GPC5: variants seen among roughly 807,000 people sequenced by gnomAD.
GPC5 encodes glypican 5.
GPC5 carries 47 observed loss-of-function variants against 53.9 expected under a neutral mutation model. The ratio of observed to expected loss-of-function variants is 0.87; its 90% CI spans 0.69 to 1.11. GPC5 has a LOEUF of 1.11. Ranked by LOEUF, GPC5 falls within the 50% of genes most tolerant of loss-of-function variation. The pLI, the probability that GPC5 is intolerant of heterozygous loss-of-function variation, is 0.00. For missense variants in GPC5, 748 were observed against 713.1 expected (o/e 1.05, Z -0.56); for synonymous variants, 286 against 263.3 (o/e 1.09, Z -0.84).
intron 7 of GPC5, among the ~76,000 whole-genome samples, chr13:92,564,112 T>C (rs1459779590): frequency 6.6e-6 from 1 of 152,058 alleles, no homozygotes; most frequent in African/African-American, 2.4e-5. Context: ...TTATTTTTTA[T>C]TTTAAAAATA....
intron 5 of GPC5, among the ~76,000 whole-genome samples, chr13:91,822,422 A>G (rs141678778): frequency 2.5e-4 from 38 of 152,300 alleles, no homozygotes; most frequent in African/African-American, 9.1e-4. Flanking sequence ...ATAAGAAATA[A>G]CGCATTAACC....
At chr13:92,169,858 T>C (rs2042057083) in intron 7 of GPC5, among the ~76,000 whole-genome samples, 1 of 152,142 alleles carries the variant, frequency 6.6e-6, no homozygotes, top group African/African-American at 2.4e-5. Flanking sequence ...TTATTTAGGC[T>C]GTGAACATTT....
At chr13:92,191,415 A>T (rs1375571069) in intron 7 of GPC5, among the ~76,000 whole-genome samples, 1 of 152,186 alleles carries the variant, frequency 6.6e-6, no homozygotes, top group Non-Finnish European at 1.5e-5. Flanking sequence ...GGAACTCTCA[A>T]TAATTGCTGA....
intron 7 of GPC5, among the ~76,000 whole-genome samples, chr13:92,788,480 A>T (rs774219030): frequency 6.6e-6 from 1 of 152,210 alleles, no homozygotes; most frequent in Non-Finnish European, 1.5e-5. Flanking sequence ...ATCATCATAG[A>T]AATCACATAT....
At chr13:91,992,779 A>C (rs1283163419) in intron 6 of GPC5, among the ~76,000 whole-genome samples, 5 of 152,150 alleles carry the variant, frequency 3.3e-5, no homozygotes, top group Non-Finnish European at 7.3e-5. Flanking sequence ...TTTTAGGAAA[A>C]TTCAGTGCAA....
chr13:91,784,485 G>A (rs1463468856), intron 5 of GPC5, among the ~76,000 whole-genome samples: 1 of 152,096 alleles, frequency 6.6e-6, no homozygotes, highest in East Asian at 1.9e-4. Flanking sequence ...AGCACTTCGG[G>A]AGGCCAAGGT....
At chr13:92,649,348 C>T (rs1205974583) in intron 7 of GPC5, among the ~76,000 whole-genome samples, 8 of 152,078 alleles carry the variant, frequency 5.3e-5, no homozygotes, top group Admixed American at 2.6e-4. Flanking sequence ...ATCTGTCCAT[C>T]ATAGTAAGTG....
At chr13:92,069,343 G>A (rs75006775) in intron 6 of GPC5, among the ~76,000 whole-genome samples, 1 of 151,726 alleles carries the variant, frequency 6.6e-6, no homozygotes, top group Non-Finnish European at 1.5e-5. Flanking sequence ...TATTGCTGAT[G>A]TAACATCTTA....
intron 7 of GPC5, among the ~76,000 whole-genome samples, chr13:92,725,848 A>T (rs1237451387): frequency 6.6e-6 from 1 of 151,602 alleles, no homozygotes; most frequent in African/African-American, 2.4e-5. Flanking sequence ...ATATAACCTG[A>T]AAGTAGAACA....
At chr13:92,723,352 A>C (rs1490210689) in intron 7 of GPC5, among the ~76,000 whole-genome samples, 1 of 151,828 alleles carries the variant, frequency 6.6e-6, no homozygotes, top group African/African-American at 2.4e-5. Context: ...TCGTTAAAAA[A>C]ACCCAGAGTC....
At chr13:92,731,558 C>G (rs1888804916) in intron 7 of GPC5, among the ~76,000 whole-genome samples, 1 of 151,238 alleles carries the variant, frequency 6.6e-6, no homozygotes, top group Non-Finnish European at 1.5e-5. Context: ...CTTGAGTGTT[C>G]AAATTCAAGA....
chr13:92,402,616 C>T (rs1875610280), intron 7 of GPC5, among the ~76,000 whole-genome samples: 1 of 152,202 alleles, frequency 6.6e-6, no homozygotes, highest in Admixed American at 6.5e-5. Flanking sequence ...ATGGAACATG[C>T]AGCCTAGACC....
At chr13:91,412,420 C>T (rs1156889826) in intron 1 of GPC5, among the ~76,000 whole-genome samples, 1 of 152,076 alleles carries the variant, frequency 6.6e-6, no homozygotes, top group Non-Finnish European at 1.5e-5. Flanking sequence ...AACTTCTGTA[C>T]AATAAAATAA....
At chr13:92,764,307 T>C (rs1456407577) in intron 7 of GPC5, among the ~76,000 whole-genome samples, 2 of 152,152 alleles carry the variant, frequency 1.3e-5, no homozygotes, top group Non-Finnish European at 2.9e-5. Flanking sequence ...ACCTCAGGGA[T>C]TGACAGATGC....
rs539738767 is a variant in GPC5 at position 92,029,260 on chromosome 13, G to T, written c.1402-115570G>T. The stretch of plus-strand genomic sequence containing the variant: ...CTATACCATAATGAACATGCACTAG[G>T]TATGAAACTTACAGAAATGCATCAG... On this transcript the variant is annotated intron_variant, in intron 6 of 7. Transcript: ENST00000377067. Among the ~76,000 whole-genome samples, 10 of 152,234 alleles carry T rather than the reference G, an allele frequency of 6.6e-5. No individual in the cohort carries two copies. The South Asian group carries it at 1.9e-3, about 28-fold the overall frequency.
chr13:91,981,798 A>G (rs1316252535), intron 6 of GPC5, among the ~76,000 whole-genome samples: 1 of 152,166 alleles, frequency 6.6e-6, no homozygotes, highest in East Asian at 1.9e-4. Context: ...ATCTTGACTC[A>G]CCCATTTGTT....
At chr13:91,968,856 A>G (rs1594694687) in intron 6 of GPC5, among the ~76,000 whole-genome samples, 1 of 152,086 alleles carries the variant, frequency 6.6e-6, no homozygotes, top group South Asian at 2.1e-4. Context: ...AGCTCCCATC[A>G]TCATCACTAC....
intron 5 of GPC5, among the ~76,000 whole-genome samples, chr13:91,757,593 C>A (rs1427958667): frequency 6.6e-6 from 1 of 152,098 alleles, no homozygotes; most frequent in Non-Finnish European, 1.5e-5. Context: ...CTTTGCTGTG[C>A]ACATATACTT....
intron 4 of GPC5, among the ~76,000 whole-genome samples, chr13:91,732,185 T>C (rs981050480): frequency 5.9e-5 from 9 of 152,192 alleles, no homozygotes; most frequent in African/African-American, 1.9e-4. Flanking sequence ...CCACAGCCTC[T>C]CCAGCATCTG....
Sources: allele counts gnomAD v4.1 joint callset (sites outside exome capture counted in the v4.1 genomes callset), GRCh38; gene constraint gnomAD v4.1.1; transcripts MANE v1.5; gene names NCBI Gene and HGNC (gene_info 2026-07-23, HGNC 2026-07-21).